NDUFA10: variants seen among roughly 807,000 people sequenced by gnomAD.
NDUFA10 encodes the protein NADH dehydrogenase [ubiquinone] 1 alpha subcomplex subunit 10, mitochondrial.
A neutral mutation model predicts 47.8 loss-of-function variants in NDUFA10; 40 were observed. The ratio of observed to expected loss-of-function variants is 0.84; its 90% CI spans 0.65 to 1.09. NDUFA10 has a LOEUF of 1.09. Among genes scored for constraint, NDUFA10 ranks in the 50% least tolerant of loss-of-function variants. The pLI, the probability that NDUFA10 is intolerant of heterozygous loss-of-function variation, is 0.00. For synonymous variants in NDUFA10, 183 were observed against 172.2 expected, an observed-to-expected ratio of 1.06 and a Z score of -0.49; for missense variants, 413 against 451.1, an observed-to-expected ratio of 0.92 and a Z score of 0.76.
chr2:239,937,848 A>G (rs543952754), intron 4 of NDUFA10, among the ~76,000 whole-genome samples: 1 of 152,202 alleles, frequency 6.6e-6, no homozygotes, highest in East Asian at 1.9e-4. Flanking sequence ...TTTTTATTAC[A>G]GCCATTCTGG....
rs1057523358 is a variant in NDUFA10, at chr2:240,021,360, T to C, written c.297A>G (p.Gly99=). ...AGIHYPDSTT[G]DGKPLATDYN... ...AGTCGGTGGCGAGGGGCTTCCCATCTCCTGTGGTACTGTCTGGATAATGAA... is the reference window on the plus strand; with the variant it reads ...AGTCGGTGGCGAGGGGCTTCCCATCCCCTGTGGTACTGTCTGGATAATGAA... Residue 99 remains glycine, a synonymous_variant, in exon 3 of 10, where the codon GGA becomes GGG. Transcript: ENST00000252711. The C allele has an allele frequency of 6.8e-6, 11 of 1,614,186 alleles. No individual in the cohort carries two copies. The highest frequency in any genetic ancestry group is 8.5e-6 in the Non-Finnish European group (10 of 1,180,038).
intron 8 of NDUFA10, among the ~76,000 whole-genome samples, chr2:239,990,538 T>G (rs1250626939): frequency 6.6e-6 from 1 of 152,202 alleles, no homozygotes; most frequent in Non-Finnish European, 1.5e-5. Context: ...AGCAAATGGT[T>G]ACATGACAGT....
intron 8 of NDUFA10, among the ~76,000 whole-genome samples, chr2:239,999,986 T>C (rs1350206180): frequency 6.6e-6 from 1 of 152,212 alleles, no homozygotes; most frequent in Non-Finnish European, 1.5e-5. Context: ...CACAGCGCCG[T>C]GGCTCAGCGC....
intron 4 of NDUFA10, among the ~76,000 whole-genome samples, chr2:239,905,849 G>T (rs1476799478): frequency 7.9e-5 from 11 of 138,710 alleles, no homozygotes; most frequent in Non-Finnish European, 1.4e-4. Context: ...GGGGAGGGGA[G>T]GGGAGGGGAG....
chr2:239,976,507 C>T (rs1695527853), intron 9 of NDUFA10: 1 of 152,440 alleles, frequency 6.6e-6, no homozygotes, highest in Non-Finnish European at 1.5e-5. Flanking sequence ...CAACCTACCG[C>T]ACATCCCTAC....
chr2:239,914,263 A>G (rs1693802113), intron 4 of NDUFA10, among the ~76,000 whole-genome samples: 1 of 151,912 alleles, frequency 6.6e-6, no homozygotes, highest in Admixed American at 6.6e-5. Context: ...ACACACATAT[A>G]CATACACAGA....
At chr2:240,000,849 A>C (rs972603432) in intron 8 of NDUFA10, among the ~76,000 whole-genome samples, 1 of 152,248 alleles carries the variant, frequency 6.6e-6, no homozygotes, top group Non-Finnish European at 1.5e-5. Flanking sequence ...AGGCTCCACC[A>C]CACCACCTAG....
At chr2:239,992,960 CCCT>C (rs1403802625) in intron 8 of NDUFA10, among the ~76,000 whole-genome samples, 3 of 152,102 alleles carry the variant, frequency 2.0e-5, no homozygotes, top group Non-Finnish European at 4.4e-5. Context: ...TCACTTGAGT[CCCT>C]CAATTGAGAA....
In NDUFA10 at chr2:239,945,510, CCCCA is replaced by C. The variant is rs561250682; in HGVS notation, c.294+44560_294+44563del. Among the ~76,000 whole-genome samples, 107 of 152,200 alleles carry C rather than the reference CCCCA, an allele frequency of 7.0e-4. No individual in the cohort carries two copies. The highest frequency in any genetic ancestry group is 2.4e-3 in the African/African-American group (101 of 41,540). On this transcript the variant is annotated intron_variant, in intron 4 of 5. Coordinates refer to the NDUFA10 transcript ENST00000419408. The surrounding 1 kb of genome is among the most constrained non-coding windows in gnomAD (Gnocchi z 4.6). ...AGGCTGCACCGCGAGGCTCCCTGCG[CCCCA>C]CCGAGCCGGTCAGGGCTGCAGTCTA...
chr2:239,900,883 C>T (rs956562621), intron 4 of NDUFA10, among the ~76,000 whole-genome samples: 4 of 152,244 alleles, frequency 2.6e-5, no homozygotes, highest in African/African-American at 9.6e-5. Flanking sequence ...AAGCCATCTT[C>T]ATCACATAAA....
At chr2:240,017,694 G>A in intron 4 of NDUFA10, 1 of 752,830 alleles carries the variant, frequency 1.3e-6, no homozygotes, top group Non-Finnish European at 2.3e-6. Context: ...GGGAGGATCA[G>A]CCCCTATCAG....
chr2:239,893,308 G>A (rs13408710), intron 5 of NDUFA10, among the ~76,000 whole-genome samples: 130,203 of 152,098 alleles, frequency 0.86, 55,883 homozygotes, highest in East Asian at 0.96. Flanking sequence ...TTGGCCCAGC[G>A]TGGACCATGT....
At chr2:239,982,608 C>T (rs1435369568) in intron 9 of NDUFA10, among the ~76,000 whole-genome samples, 2 of 152,194 alleles carry the variant, frequency 1.3e-5, no homozygotes, top group African/African-American at 4.8e-5. Flanking sequence ...ACATTCCTGT[C>T]TCCAGGCCCT....
chr2:239,966,086 G>C (rs1695046639), intron 9 of NDUFA10, among the ~76,000 whole-genome samples: 2 of 152,244 alleles, frequency 1.3e-5, no homozygotes, highest in South Asian at 4.1e-4. Flanking sequence ...CAGCTAAGCT[G>C]CCCTCCACCC....
At chr2:240,003,738 G>GA (rs1696824789) in intron 8 of NDUFA10, among the ~76,000 whole-genome samples, 1 of 152,178 alleles carries the variant, frequency 6.6e-6, no homozygotes, top group Non-Finnish European at 1.5e-5. Flanking sequence ...CGCTGGATAT[G>GA]AGGCCTGTAC....
intron 4 of NDUFA10, among the ~76,000 whole-genome samples, chr2:239,915,469 T>TAC (rs199606874): frequency 1.0e-5 from 1 of 97,692 alleles, no homozygotes; most frequent in Non-Finnish European, 2.1e-5. Flanking sequence ...TACACATACA[T>TAC]ACACACACAC....
At chr2:239,921,926 G>C (rs1693992646) in intron 4 of NDUFA10, among the ~76,000 whole-genome samples, 1 of 148,246 alleles carries the variant, frequency 6.7e-6, no homozygotes, top group Non-Finnish European at 1.5e-5. Context: ...CCATTTTTCT[G>C]TCCTTCCTTC....
chr2:240,017,756 C>T (rs925189066), intron 4 of NDUFA10: 15 of 1,397,614 alleles, frequency 1.1e-5, no homozygotes, highest in Admixed American at 9.9e-5. Flanking sequence ...GGTGGAGTAC[C>T]GGCAACACCA....
At chr2:239,978,223 A>C (rs1574839422) in intron 9 of NDUFA10, among the ~76,000 whole-genome samples, 1 of 152,202 alleles carries the variant, frequency 6.6e-6, no homozygotes, top group East Asian at 1.9e-4. Context: ...AAACACACTG[A>C]GAATGCCTTA....
Sources: gnomAD v4.1 joint callset for allele counts (sites outside exome capture counted in the v4.1 genomes callset) on GRCh38, gnomAD v4.1.1 for gene constraint, Gnocchi (gnomAD v3.1) non-coding constraint, MANE v1.5 for transcripts, NCBI Gene and HGNC (gene_info 2026-07-23, HGNC 2026-07-21) for gene names.